DNAI4: variants seen among roughly 807,000 people sequenced by gnomAD.
DNAI4 encodes dynein axonemal intermediate chain 4.
A neutral mutation model predicts 105.8 loss-of-function variants in DNAI4; 85 were observed. That is an observed-to-expected ratio of 0.80 (90% CI 0.67 to 0.96). The LOEUF (loss-of-function observed/expected upper bound fraction) is 0.96, where lower values mean the gene tolerates loss of function less well. DNAI4 is among the 40% of genes least tolerant of loss of function. DNAI4 has a pLI of 0.00. For synonymous variants in DNAI4, 352 were observed against 331.5 expected (o/e 1.06, Z -0.67); for missense variants, 1,014 against 1,005.6 (o/e 1.01, Z -0.11).
intron 6 of DNAI4, among the ~76,000 whole-genome samples, chr1:66,865,259 A>T (rs562670610): frequency 6.6e-6 from 1 of 152,154 alleles, no homozygotes; most frequent in Admixed American, 6.5e-5. Flanking sequence ...CCCCATCTCT[A>T]CTAAAAATGC....
chr1:66,865,946 G>T (rs1274840525), intron 6 of DNAI4, among the ~76,000 whole-genome samples: 1 of 152,150 alleles, frequency 6.6e-6, no homozygotes, highest in East Asian at 1.9e-4. Flanking sequence ...TTATGGAAAG[G>T]TGGCATTTCA....
chr1:66,864,386 C>T (rs971148059), intron 6 of DNAI4, among the ~76,000 whole-genome samples: 1 of 151,964 alleles, frequency 6.6e-6, no homozygotes, highest in Non-Finnish European at 1.5e-5. Context: ...AAGAAGCATT[C>T]CAAACTATGC....
At chr1:66,905,500 G>A (rs189885795) in intron 1 of DNAI4, 125 bp from the exon 2 acceptor site, 224 of 561,410 alleles carry the variant, frequency 4.0e-4, no homozygotes, top group African/African-American at 3.8e-3. Flanking sequence ...AAGAAATAAT[G>A]ATAACTATTT....
chr1:66,819,436 G>A (rs1645580846), intron 16 of DNAI4, among the ~76,000 whole-genome samples: 1 of 151,908 alleles, frequency 6.6e-6, no homozygotes, highest in African/African-American at 2.4e-5. Flanking sequence ...TGTTCTTTAT[G>A]ACTTGATTAT....
intron 6 of DNAI4, among the ~76,000 whole-genome samples, chr1:66,863,506 T>C (rs1360183123): frequency 6.6e-6 from 1 of 152,206 alleles, no homozygotes; most frequent in Non-Finnish European, 1.5e-5. Flanking sequence ...TTGCCCAGGC[T>C]GGAGTGCAGT....
At chr1:66,902,271 T>A (rs1648887274) in intron 2 of DNAI4, among the ~76,000 whole-genome samples, 1 of 152,182 alleles carries the variant, frequency 6.6e-6, no homozygotes, top group Non-Finnish European at 1.5e-5. Context: ...AGGTATGAAG[T>A]GGTGTCTTAC....
chr1:66,917,779 A>G (rs530807751), intron 1 of DNAI4, among the ~76,000 whole-genome samples: 8 of 152,370 alleles, frequency 5.3e-5, no homozygotes, highest in South Asian at 2.1e-4. Flanking sequence ...CACAAGTGCA[A>G]TAAGAATCTG....
intron 1 of DNAI4, among the ~76,000 whole-genome samples, chr1:66,906,246 A>T (rs1649241556): frequency 6.6e-6 from 1 of 151,978 alleles, no homozygotes; most frequent in Non-Finnish European, 1.5e-5. Flanking sequence ...TTACAATCAA[A>T]ATATTTATAT....
chr1:66,866,597 T>A (rs1003316613), intron 6 of DNAI4, among the ~76,000 whole-genome samples: 2 of 152,148 alleles, frequency 1.3e-5, no homozygotes, highest in African/African-American at 4.8e-5. Context: ...TTTTATTGTC[T>A]TCTTCTTTTT....
chr1:66,911,481 C>G (rs532092244), intron 1 of DNAI4, among the ~76,000 whole-genome samples: 1 of 152,268 alleles, frequency 6.6e-6, no homozygotes, highest in African/African-American at 2.4e-5. Context: ...GTTGGTGAGG[C>G]TGAAGGTCCC....
intron 16 of DNAI4, among the ~76,000 whole-genome samples, chr1:66,821,017 ATAAACATTTC>A (rs1645613364): frequency 6.6e-6 from 1 of 150,934 alleles, no homozygotes; most frequent in Non-Finnish European, 1.5e-5. Context: ...TATTAAATTT[ATAAACATTTC>A]TATAGGCTAG....
chr1:66,871,663 G>A (rs1646849543), intron 5 of DNAI4, among the ~76,000 whole-genome samples, 154 bp from the exon 6 acceptor site: 2 of 152,168 alleles, frequency 1.3e-5, no homozygotes, highest in Non-Finnish European at 2.9e-5. Context: ...GGAAAAGACT[G>A]CACTAAATGA....
intron 7 of DNAI4, chr1:66,847,915 C>A: frequency 2.1e-6 from 1 of 466,224 alleles, no homozygotes; most frequent in South Asian, 2.5e-5. Context: ...GCAATGATAA[C>A]CTCCAGAGGT....
chr1:66,922,369 C>A, intron 1 of DNAI4, among the ~76,000 whole-genome samples: 1 of 152,000 alleles, frequency 6.6e-6, no homozygotes, highest in East Asian at 1.9e-4. Context: ...TATCTGGGGG[C>A]ACAATATTCC....
intron 7 of DNAI4, among the ~76,000 whole-genome samples, chr1:66,852,405 CAA>C (rs1646415246): frequency 6.6e-6 from 1 of 151,658 alleles, no homozygotes; most frequent in South Asian, 2.1e-4. Flanking sequence ...TAAAGTGAAA[CAA>C]AGTGCAAAAA....
intron 6 of DNAI4, among the ~76,000 whole-genome samples, chr1:66,867,687 T>C (rs1028520750): frequency 2.6e-5 from 4 of 152,202 alleles, no homozygotes; most frequent in African/African-American, 4.8e-5. Flanking sequence ...TGCATCATCC[T>C]GGAACTATTT....
At chr1:66,842,180 T>G (rs892179023) in intron 8 of DNAI4, among the ~76,000 whole-genome samples, 29 of 152,216 alleles carry the variant, frequency 1.9e-4, no homozygotes, top group Non-Finnish European at 3.4e-4. Flanking sequence ...ATGAATAATA[T>G]TCCATTGTCT....
chr1:66,838,914 T>C (rs1014861337), intron 9 of DNAI4, among the ~76,000 whole-genome samples: 6 of 152,220 alleles, frequency 3.9e-5, no homozygotes, highest in African/African-American at 1.2e-4. Flanking sequence ...AACTTCATTA[T>C]TACTGTATCT....
At chr1:66,896,988 G>T (rs1452836003) in intron 2 of DNAI4, among the ~76,000 whole-genome samples, 2 of 152,214 alleles carry the variant, frequency 1.3e-5, no homozygotes, top group Non-Finnish European at 2.9e-5. Context: ...CTAGAAAAAG[G>T]CTGCATTGCC....
Sources: allele counts gnomAD v4.1 joint callset (sites outside exome capture counted in the v4.1 genomes callset), GRCh38; gene constraint gnomAD v4.1.1; transcripts MANE v1.5; gene names NCBI Gene and HGNC (gene_info 2026-07-23, HGNC 2026-07-21).